The following VGLL4 variants were observed in gnomAD, a reference collection of about 807,000 sequenced individuals.
VGLL4 encodes transcription cofactor vestigial-like protein 4.
A neutral mutation model predicts 21.0 loss-of-function variants in VGLL4; 7 were observed. The ratio of observed to expected loss-of-function variants is 0.33; its 90% CI spans 0.19 to 0.63. The LOEUF (loss-of-function observed/expected upper bound fraction) is 0.63, where lower values mean the gene tolerates loss of function less well. Among genes scored for constraint, VGLL4 ranks in the 20% least tolerant of loss-of-function variants. VGLL4 has a pLI of 0.78. For missense variants in VGLL4, 394 were observed against 425.7 expected, an observed-to-expected ratio of 0.93 and a Z score of 0.66; for synonymous variants, 222 against 173.2, an observed-to-expected ratio of 1.28 and a Z score of -2.21.
intron 1 of VGLL4, among the ~76,000 whole-genome samples, chr3:11,614,414 T>C (rs1458013098): frequency 1.1e-4 from 16 of 152,194 alleles, no homozygotes; most frequent in Admixed American, 1.0e-3. Flanking sequence ...GTCCAGACCC[T>C]GAGGAGTAAG....
intron 1 of VGLL4, among the ~76,000 whole-genome samples, chr3:11,637,747 T>C (rs1387746311): frequency 3.3e-5 from 5 of 149,828 alleles, no homozygotes; most frequent in African/African-American, 7.3e-5. Flanking sequence ...GGAGAGCAAA[T>C]GAAGAAAGCA....
In VGLL4 at chr3:11,572,883, G is replaced by A. The variant is rs763730974; in HGVS notation, c.273-7864C>T. ...GTTTTTCCTTCTGAAAATGACCCCC[G>A]TAGGCCAGGCGCAGTGGCTCACACC... On this transcript the variant is annotated intron_variant, in intron 2 of 4. Transcript: ENST00000430365. Among the ~76,000 whole-genome samples the A allele has an allele frequency of 7.9e-5, 12 of 151,988 alleles. 1 individual carries two copies. Among genetic ancestry groups the A allele is most frequent in the South Asian group, 6.2e-4 (3 of 4,812 alleles).
intron 1 of VGLL4, among the ~76,000 whole-genome samples, chr3:11,718,350 G>C (rs571928266): frequency 9.2e-5 from 14 of 152,280 alleles, no homozygotes; most frequent in African/African-American, 3.4e-4. Flanking sequence ...TTTAAATTGA[G>C]AGCATTGGGA....
chr3:11,561,885 G>A lies in VGLL4; in HGVS notation c.496-2430C>T, dbSNP rs959994711. Among the ~76,000 whole-genome samples, 11 of 121,688 alleles carry A rather than the reference G, an allele frequency of 9.0e-5. 1 individual carries two copies. The highest frequency in any genetic ancestry group is 2.8e-4 in the African/African-American group (9 of 31,648). The allele number at this position is 121,688 out of a possible 152,430, so 79.8% of individuals were successfully genotyped here. Reference sequence around the variant, plus strand: ...GAAAGCAACCCCCAAGGCTGGCTGCGCCAAACTTTTTTTTTTTTTTTTTTT... The same window carrying A: ...GAAAGCAACCCCCAAGGCTGGCTGCACCAAACTTTTTTTTTTTTTTTTTTT... On this transcript the variant is annotated intron_variant, in intron 3 of 4. Transcript: ENST00000430365.
intron 1 of VGLL4, among the ~76,000 whole-genome samples, chr3:11,715,296 G>A (rs2124829996): frequency 6.6e-6 from 1 of 152,184 alleles, no homozygotes; most frequent in South Asian, 2.1e-4. Flanking sequence ...GCAACATTAG[G>A]TAGCACTGTA....
intron 2 of VGLL4, among the ~76,000 whole-genome samples, chr3:11,662,453 T>G (rs2076051112): frequency 6.6e-6 from 1 of 152,184 alleles, no homozygotes; most frequent in African/African-American, 2.4e-5. Flanking sequence ...AACAGGAGAA[T>G]GTAGTAAGGT....
intron 2 of VGLL4, among the ~76,000 whole-genome samples, chr3:11,574,746 C>T (rs1011041075): frequency 2.1e-4 from 31 of 149,986 alleles, no homozygotes; most frequent in African/African-American, 7.4e-4. Context: ...TCACTATGTA[C>T]CCCATGAATA....
chr3:11,642,119 C>A (rs2075703061), intron 1 of VGLL4, among the ~76,000 whole-genome samples: 1 of 151,796 alleles, frequency 6.6e-6, no homozygotes. Flanking sequence ...TTTCTAAAGT[C>A]GGCTGCCTTT....
Position 11,695,854 on chromosome 3 carries a change from G to C in VGLL4, c.64+7117C>G, listed in dbSNP as rs542721133. Among the ~76,000 whole-genome samples the C allele has an allele frequency of 9.9e-5, 15 of 152,240 alleles. No individual in the cohort carries two copies. The East Asian group carries it at 2.5e-3, about 25-fold the overall frequency. On this transcript the variant is annotated intron_variant, in intron 2 of 5. Transcript: ENST00000273038. ...GTAAAAATCACTGATGCAGTGATCA[G>C]ATAAGCCTCCAAACTATCCGAAATG...
intron 2 of VGLL4, among the ~76,000 whole-genome samples, chr3:11,694,998 A>T (rs2076583674): frequency 6.6e-6 from 1 of 152,172 alleles, no homozygotes; most frequent in African/African-American, 2.4e-5. Context: ...TTATATATTC[A>T]AGTAACATAA....
At chr3:11,566,589 C>T (rs1206247373) in intron 2 of VGLL4, among the ~76,000 whole-genome samples, 2 of 152,164 alleles carry the variant, frequency 1.3e-5, no homozygotes, top group Admixed American at 6.5e-5. Context: ...TGTTGTGTTC[C>T]GTAGTTCCAA....
At chr3:11,636,819 C>G (rs1297142919) in intron 1 of VGLL4, among the ~76,000 whole-genome samples, 1 of 152,102 alleles carries the variant, frequency 6.6e-6, no homozygotes, top group Non-Finnish European at 1.5e-5. Context: ...AAAAGTTCTT[C>G]CCAAAGTATC....
At chr3:11,688,753 T>C (rs2076485135) in intron 2 of VGLL4, among the ~76,000 whole-genome samples, 1 of 152,226 alleles carries the variant, frequency 6.6e-6, no homozygotes, top group Non-Finnish European at 1.5e-5. Context: ...GCGTGGTGGC[T>C]CATGCCTGTA....
chr3:11,718,098 T>C (rs763192793), intron 1 of VGLL4, among the ~76,000 whole-genome samples: 31 of 152,346 alleles, frequency 2.0e-4, no homozygotes, highest in East Asian at 1.9e-4. Context: ...TTAGTTTGCA[T>C]TCACTTCCAA....
At chr3:11,680,101 C>T (rs1421365726) in intron 2 of VGLL4, among the ~76,000 whole-genome samples, 1 of 152,232 alleles carries the variant, frequency 6.6e-6, no homozygotes, top group East Asian at 1.9e-4. Flanking sequence ...AAACTGCCCA[C>T]AGTATCCTGT....
intron 2 of VGLL4, among the ~76,000 whole-genome samples, chr3:11,590,816 T>G (rs1044829643): frequency 6.6e-6 from 1 of 152,070 alleles, no homozygotes; most frequent in Admixed American, 6.6e-5. Flanking sequence ...CTTGCTATGT[T>G]CCAGCTGCCA....
chr3:11,652,324 C>T (rs923053177), intron 2 of VGLL4, among the ~76,000 whole-genome samples: 2 of 152,114 alleles, frequency 1.3e-5, no homozygotes, highest in African/African-American at 4.8e-5. Flanking sequence ...AATACAAAAT[C>T]AATTAAATTG....
chr3:11,715,708 G>C (rs191460230), intron 1 of VGLL4, among the ~76,000 whole-genome samples: 12 of 152,296 alleles, frequency 7.9e-5, no homozygotes, highest in African/African-American at 2.9e-4. Flanking sequence ...TTGAACCAGT[G>C]TTCCTAGGGG....
intron 2 of VGLL4, among the ~76,000 whole-genome samples, chr3:11,673,685 C>G (rs1343853885): frequency 1.3e-5 from 2 of 151,928 alleles, no homozygotes; most frequent in Non-Finnish European, 2.9e-5. Context: ...CCAACAGTTT[C>G]CAGAGAGAAA....
Sources: allele counts gnomAD v4.1 joint callset (sites outside exome capture counted in the v4.1 genomes callset), GRCh38; gene constraint gnomAD v4.1.1; transcripts MANE v1.5; gene names NCBI Gene and HGNC (gene_info 2026-07-23, HGNC 2026-07-21).